PCDHGB2: variants seen among roughly 807,000 people sequenced by gnomAD.
The protein encoded by PCDHGB2 is protocadherin gamma subfamily B, 2.
Under a neutral mutation model 59.3 loss-of-function variants are expected in PCDHGB2, and 55 were observed. The observed-to-expected ratio is 0.93, with a 90% CI of 0.75 to 1.16. PCDHGB2 has a LOEUF of 1.16. Among genes scored for constraint, PCDHGB2 ranks in the 50% most tolerant of loss-of-function variants. The pLI is 0.00. For synonymous variants in PCDHGB2, 516 were observed against 512.0 expected (o/e 1.01, Z -0.11); for missense variants, 1,228 against 1,198.5 (o/e 1.02, Z -0.36).
At position 141,487,075 on chromosome 5, in the gene PCDHGB2, C is replaced by T. The variant is rs755563146; in HGVS notation, c.2422-7732C>T. The T allele has an allele frequency of 1.9e-6, 3 of 1,614,116 alleles. No individual in the cohort carries two copies. The highest frequency in any genetic ancestry group is 2.5e-6 in the Non-Finnish European group (3 of 1,179,982). ...GGGAGGTGCGGACGGCTGTTCCTATCCCAGCTGACCTCCCACCACAGAAGC... is the reference window on the plus strand; with the variant it reads ...GGGAGGTGCGGACGGCTGTTCCTATTCCAGCTGACCTCCCACCACAGAAGC... On this transcript the variant is annotated intron_variant, in intron 1 of 3. Transcript: ENST00000522605. This position sits in a 1 kb window ranked among gnomAD's most constrained non-coding sequence, Gnocchi z 5.0.
intron 1 of PCDHGB2, among the ~76,000 whole-genome samples, chr5:141,481,426 A>T (rs1431602618): frequency 6.6e-6 from 1 of 152,238 alleles, no homozygotes; most frequent in Non-Finnish European, 1.5e-5. Context: ...TGTGATGATG[A>T]TTGTATCAGT....
intron 1 of PCDHGB2, chr5:141,370,705 T>A: frequency 6.2e-7 from 1 of 1,613,842 alleles, no homozygotes; most frequent in Non-Finnish European, 8.5e-7. Context: ...ACGTGTGTTC[T>A]GGAATTTGAA....
chr5:141,428,159 G>A (rs1377084529), intron 1 of PCDHGB2: 1 of 1,571,752 alleles, frequency 6.4e-7, no homozygotes, highest in East Asian at 2.2e-5. Context: ...GAACCTGCTG[G>A]TTGCTGTGCG....
intron 1 of PCDHGB2, chr5:141,440,019 G>A (rs747595475): frequency 6.5e-5 from 10 of 153,114 alleles, no homozygotes; most frequent in Non-Finnish European, 8.8e-5. Flanking sequence ...AAGGATCTGG[G>A]ACTCAGTGTC....
chr5:141,505,628 A>C, intron 3 of PCDHGB2, 147 bp downstream of exon 3: 1 of 1,481,752 alleles, frequency 6.7e-7, no homozygotes, highest in Non-Finnish European at 9.0e-7. Flanking sequence ...ACAATTCCAA[A>C]CATAAAGCCT....
intron 1 of PCDHGB2, chr5:141,420,220 A>G (rs2096478738): frequency 6.2e-7 from 1 of 1,608,142 alleles, no homozygotes; most frequent in African/African-American, 1.3e-5. Flanking sequence ...ATAGCATGCT[A>G]CTGGCTAGCA....
chr5:141,374,230 C>T lies in PCDHGB2; in HGVS notation c.2421+11674C>T. On this transcript the variant is annotated intron_variant, in intron 1 of 3. Coordinates refer to ENST00000522605, the MANE Select transcript of PCDHGB2 (RefSeq NM_018923.3). ...AAGGCTCCTTCGTAGGCAACATCGTCAAGGATCTGGGACTGGAGCCCCAGG... is the reference window on the plus strand; with the variant it reads ...AAGGCTCCTTCGTAGGCAACATCGTTAAGGATCTGGGACTGGAGCCCCAGG... 2 of 1,613,996 alleles carry T rather than the reference C, an allele frequency of 1.2e-6. 1 individual carries two copies. Among genetic ancestry groups the T allele is most frequent in the East Asian group, 4.5e-5 (2 of 44,882 alleles).
At chr5:141,403,081 T>C (rs772246285) in intron 1 of PCDHGB2, 1 of 1,614,048 alleles carries the variant, frequency 6.2e-7, no homozygotes, top group East Asian at 2.2e-5. Flanking sequence ...AAAAGGGCTA[T>C]ATTGTGGGCA....
intron 1 of PCDHGB2, chr5:141,418,973 C>T: frequency 3.1e-6 from 5 of 1,613,916 alleles, no homozygotes; most frequent in Non-Finnish European, 3.4e-6. Context: ...CTTCAAAACA[C>T]GGGACCAAGA....
chr5:141,449,943 C>G (rs1561937416), intron 1 of PCDHGB2, among the ~76,000 whole-genome samples: 1 of 151,186 alleles, frequency 6.6e-6, no homozygotes, highest in African/African-American at 2.4e-5. Flanking sequence ...GTATATTTTA[C>G]TATACCTCAT....
intron 2 of PCDHGB2, among the ~76,000 whole-genome samples, chr5:141,504,563 C>G (rs1036149640): frequency 3.3e-5 from 5 of 149,436 alleles, no homozygotes; most frequent in African/African-American, 1.2e-4. Context: ...GACTGGCATT[C>G]TAGGGAACAC....
intron 1 of PCDHGB2, chr5:141,419,425 C>A (rs3749766): frequency 2.5e-6 from 4 of 1,613,316 alleles, no homozygotes; most frequent in Non-Finnish European, 3.4e-6. Context: ...CCTTCGACCA[C>A]GAGCAGCTGC....
Position 141,388,463 on chromosome 5 carries a change from G to A in PCDHGB2, c.2421+25907G>A, listed in dbSNP as rs367941349. Reference sequence around the variant, plus strand: ...AATCAGATGGCAGTAAATACCCTGAGATGGTATTGAAGACACCTTTGGACA... The same window carrying A: ...AATCAGATGGCAGTAAATACCCTGAAATGGTATTGAAGACACCTTTGGACA... On this transcript the variant is annotated intron_variant, in intron 1 of 3. Coordinates refer to ENST00000522605, the MANE Select transcript of PCDHGB2 (RefSeq NM_018923.3). 143 of 1,613,666 alleles carry A rather than the reference G, an allele frequency of 8.9e-5. 2 individuals are homozygous for A. The highest frequency in any genetic ancestry group is 1.3e-5 in the Non-Finnish European group (15 of 1,179,854).
intron 1 of PCDHGB2, among the ~76,000 whole-genome samples, chr5:141,459,682 A>G (rs557568098): frequency 2.4e-4 from 37 of 152,358 alleles, no homozygotes; most frequent in African/African-American, 8.2e-4. Flanking sequence ...AGCAATGCAT[A>G]AAGCGTTCCG....
intron 1 of PCDHGB2, chr5:141,370,265 A>T: frequency 2.6e-6 from 2 of 758,286 alleles, no homozygotes; most frequent in South Asian, 4.5e-5. Flanking sequence ...GGCTTCCTGC[A>T]GCGGAGACAC....
intron 1 of PCDHGB2, chr5:141,428,862 T>TC (rs1345604550): frequency 2.7e-5 from 2 of 74,856 alleles, no homozygotes; most frequent in African/African-American, 2.0e-4. Flanking sequence ...ACGGGAGACT[T>TC]TTTTTTTTTT....
intron 1 of PCDHGB2, chr5:141,376,712 C>A (rs1323983418): frequency 3.2e-6 from 2 of 620,108 alleles, no homozygotes; most frequent in South Asian, 2.1e-5. Context: ...CGGAGTCTCG[C>A]TCTGTCGCCC....
chr5:141,418,941 C>G, intron 1 of PCDHGB2: 1 of 1,614,034 alleles, frequency 6.2e-7, no homozygotes, highest in East Asian at 2.2e-5. Flanking sequence ...GAGGATTCCC[C>G]TCCAGGAGTG....
intron 1 of PCDHGB2, among the ~76,000 whole-genome samples, chr5:141,464,689 TATTATGA>T (rs1378742227): frequency 4.6e-5 from 7 of 152,182 alleles, no homozygotes; most frequent in Admixed American, 2.6e-4. Context: ...AAATTTCTCT[TATTATGA>T]ATGAGGTTAA....
Sources: allele counts gnomAD v4.1 joint callset (sites outside exome capture counted in the v4.1 genomes callset), GRCh38; gene constraint gnomAD v4.1.1; non-coding constraint Gnocchi (gnomAD v3.1); transcripts MANE v1.5; gene names NCBI Gene and HGNC (gene_info 2026-07-23, HGNC 2026-07-21).